MORC1: variants seen among roughly 807,000 people sequenced by gnomAD.
MORC1 encodes MORC family CW-type zinc finger protein 1.
MORC1 carries 59 observed loss-of-function variants against 134.9 expected under a neutral mutation model. That is an observed-to-expected ratio of 0.44 (90% CI 0.35 to 0.54). The LOEUF is 0.54. Ranked by LOEUF, MORC1 falls within the 20% of genes least tolerant of loss-of-function variation. The pLI, the probability that MORC1 is intolerant of heterozygous loss-of-function variation, is 0.00. For synonymous variants in MORC1, 395 were observed against 391.7 expected, an observed-to-expected ratio of 1.01 and a Z score of -0.10; for missense variants, 947 against 1,134.5, an observed-to-expected ratio of 0.83 and a Z score of 2.37.
chr3:109,079,946 C>T (rs780117124), intron 8 of MORC1, among the ~76,000 whole-genome samples: 1 of 152,066 alleles, frequency 6.6e-6, no homozygotes, highest in African/African-American at 2.4e-5. Flanking sequence ...GTAATAACAG[C>T]TAACAATCAC....
At position 109,005,299 on chromosome 3, in the gene MORC1, T is replaced by C. The variant is rs1389730277; in HGVS notation, c.1784A>G (p.Gln595Arg). The stretch of plus-strand genomic sequence containing the variant: ...GTCATCGCCCAAAAGCCTGATTTTC[T>C]GGGTTTTGGTATTTTCCTTAAATAA... ...TSAHKENTKTQKIRLLGDDLK... is the reference protein window; with the variant it reads ...TSAHKENTKTRKIRLLGDDLK... Residue 595 changes from glutamine (Q) to arginine (R), a missense_variant, in exon 19 of 28, where the codon CAG becomes CGG. Gln to Arg is a conservative substitution (Grantham distance 43). Around this residue, in one of 3 missense-constraint regions of MORC1, gnomAD observed 722 missense variants for 817.0 expected, o/e 0.88. Transcript: ENST00000232603. 6.3e-7 allele frequency: 1 copy of C among 1,592,880 alleles called. No individual in the cohort carries two copies. The highest frequency in any genetic ancestry group is 1.9e-5 in the Admixed American group (1 of 53,664).
intron 11 of MORC1, 66 bp downstream of exon 11, chr3:109,061,922 A>T: frequency 7.2e-7 from 1 of 1,382,886 alleles, no homozygotes; most frequent in Non-Finnish European, 1.0e-6. Flanking sequence ...AGAGACAACT[A>T]TGCACAGGAA....
chr3:109,015,512 A>G (rs1239007908), intron 17 of MORC1, among the ~76,000 whole-genome samples: 9 of 152,194 alleles, frequency 5.9e-5, no homozygotes, highest in Admixed American at 2.6e-4. Context: ...TTGTAACTCC[A>G]GGGGTAGCTG....
At position 109,005,069 on chromosome 3, in the gene MORC1, C is replaced by T. The variant is rs1948504274; in HGVS notation, c.2013+1G>A. On this transcript the variant is annotated splice_donor_variant, in intron 19 of 27. Transcript: ENST00000232603. LOFTEE classifies it high-confidence loss of function. ...TTGTGAATAAGAAACAATAATAATA[C>T]CTGGGATCTCTCAGCTAGTTTGACA... The T allele has an allele frequency of 1.2e-6, 2 of 1,607,060 alleles. No homozygotes were observed. Among genetic ancestry groups the T allele is most frequent in the African/African-American group, 2.7e-5 (2 of 74,440 alleles).
At chr3:108,997,009 C>CAAAAAAAA (rs36087713) in intron 21 of MORC1, among the ~76,000 whole-genome samples, 1 of 31,542 alleles carries the variant, frequency 3.2e-5, no homozygotes, top group Admixed American at 5.6e-4. Context: ...GACTCTGTCT[C>CAAAAAAAA]AAAAAAAAAA....
chr3:109,066,948 T>C (rs1027804332), intron 9 of MORC1, among the ~76,000 whole-genome samples: 3 of 149,552 alleles, frequency 2.0e-5, no homozygotes. Flanking sequence ...AATTCAGCAT[T>C]GTAAAAATTC....
At chr3:108,979,438 T>C (rs779150196) in intron 24 of MORC1, 77 bp downstream of exon 24, 22 of 1,472,872 alleles carry the variant, frequency 1.5e-5, no homozygotes, top group Admixed American at 1.5e-4. Flanking sequence ...TAAAACTCAG[T>C]AGGGAAAACA....
In MORC1 at chr3:109,108,026, G is replaced by A. The variant is rs141068693; in HGVS notation, c.154+2723C>T. ...AGCCTGGCCAACATGATGAAATCCC[G>A]TCTCTACTAAAAATACAAAACTTAG... On this transcript the variant is annotated intron_variant, in intron 3 of 27. Coordinates refer to ENST00000232603, the MANE Select transcript of MORC1 (RefSeq NM_014429.4). Among the ~76,000 whole-genome samples the A allele has an allele frequency of 9.3e-3, 1,409 of 152,106 alleles. 14 individuals are homozygous for A. The highest frequency in any genetic ancestry group is 0.014 in the Non-Finnish European group (929 of 68,000).
intron 8 of MORC1, among the ~76,000 whole-genome samples, chr3:109,091,158 T>C (rs1950715313): frequency 6.6e-6 from 1 of 152,038 alleles, no homozygotes; most frequent in Admixed American, 6.6e-5. Flanking sequence ...AATACATGTA[T>C]GTTGGCCAGG....
At chr3:108,972,577 G>A (rs1394762245) in intron 24 of MORC1, among the ~76,000 whole-genome samples, 1 of 152,128 alleles carries the variant, frequency 6.6e-6, no homozygotes, top group African/African-American at 2.4e-5. Context: ...AATGGGGTAG[G>A]AACAGGATTT....
intron 16 of MORC1, among the ~76,000 whole-genome samples, chr3:109,028,465 G>A (rs1319980564): frequency 2.0e-5 from 3 of 152,134 alleles, no homozygotes; most frequent in African/African-American, 7.2e-5. Flanking sequence ...CTGCCCAAGT[G>A]CTCTGCTGTC....
At chr3:109,072,438 G>T (rs567337394) in intron 8 of MORC1, among the ~76,000 whole-genome samples, 1 of 151,978 alleles carries the variant, frequency 6.6e-6, no homozygotes, top group Admixed American at 6.6e-5. Context: ...TGTACTTCCC[G>T]CCGTCAAGGC....
At chr3:109,066,925 TA>T (rs1243584089) in intron 9 of MORC1, among the ~76,000 whole-genome samples, 1 of 151,916 alleles carries the variant, frequency 6.6e-6, no homozygotes, top group Non-Finnish European at 1.5e-5. Context: ...CATACTGTAA[TA>T]AAAGATTAAA....
In MORC1 at chr3:109,103,917, A is replaced by G. The variant is rs766026707; in HGVS notation, c.155T>C (p.Val52Ala). ...AGAERLDVFS[V>A]DNEKLQGGFM... ...TCCCCCCTGCAGTTTTTCATTATCC[A>G]CTGTAAGAGAAAGCAGTTATTACTA... The change falls in exon 4 of 28, where the codon GTG becomes GCG. Residue 52 changes from valine (V) to alanine (A), a missense_variant and splice_region_variant. Val to Ala is a moderately conservative substitution (Grantham distance 64). Coordinates refer to ENST00000232603, the MANE Select transcript of MORC1 (RefSeq NM_014429.4). 6.2e-7 allele frequency: 1 copy of G among 1,613,138 alleles called. No individual in the cohort carries two copies. The highest frequency in any genetic ancestry group is 8.5e-7 in the Non-Finnish European group (1 of 1,179,142).
chr3:109,087,026 C>T (rs1055391096), intron 8 of MORC1, among the ~76,000 whole-genome samples: 3 of 152,068 alleles, frequency 2.0e-5, no homozygotes, highest in South Asian at 4.2e-4. Flanking sequence ...AAAATGAGGA[C>T]GCACTTTTAC....
intron 9 of MORC1, among the ~76,000 whole-genome samples, chr3:109,068,677 T>C (rs1196616410): frequency 3.3e-5 from 5 of 152,208 alleles, no homozygotes; most frequent in Non-Finnish European, 5.9e-5. Context: ...TAAACATGCA[T>C]GTGCAAGTAT....
intron 1 of MORC1, among the ~76,000 whole-genome samples, chr3:109,116,601 T>C (rs1196424485): frequency 6.6e-6 from 1 of 151,940 alleles, no homozygotes; most frequent in Non-Finnish European, 1.5e-5. Context: ...CCAGACCCCA[T>C]CTCTACTAAA....
intron 17 of MORC1, among the ~76,000 whole-genome samples, chr3:109,016,089 C>T (rs1167019457): frequency 2.6e-5 from 4 of 152,250 alleles, no homozygotes; most frequent in African/African-American, 2.4e-5. Flanking sequence ...CATGAAACAA[C>T]GTTTTGACTG....
In MORC1 at chr3:109,100,477, C is replaced by A; in HGVS notation, c.254G>T (p.Arg85Leu). 6.2e-7 allele frequency: 1 copy of A among 1,613,228 alleles called. No individual in the cohort carries two copies. Among genetic ancestry groups the A allele is most frequent in the South Asian group, 1.1e-5 (1 of 91,046 alleles). Residue 85 changes from arginine (R) to leucine (L), a missense_variant, in exon 5 of 28, where the codon CGA (arginine) becomes CTA (leucine). Coordinates refer to ENST00000232603, the MANE Select transcript of MORC1 (RefSeq NM_014429.4). Reference protein sequence around the residue: ...EEASDIIYFGRSKKRLSTLKF... With the variant: ...EEASDIIYFGLSKKRLSTLKF... Reference sequence around the variant, plus strand: ...CAAGGTTGACAGCCGTTTTTTGGATCGTCCAAAGTAAATGATGTCTGAAGC... The same window carrying A: ...CAAGGTTGACAGCCGTTTTTTGGATAGTCCAAAGTAAATGATGTCTGAAGC...
Sources: gnomAD v4.1 joint callset for allele counts (sites outside exome capture counted in the v4.1 genomes callset) on GRCh38, gnomAD v4.1.1 for gene constraint, gnomAD v4.1.1 regional missense constraint, MANE v1.5 for transcripts, NCBI Gene and HGNC (gene_info 2026-07-23, HGNC 2026-07-21) for gene names.